The following GARRE1 variants were observed in gnomAD, a reference collection of about 807,000 sequenced individuals.
The protein encoded by GARRE1 is granule associated Rac and RHOG effector protein 1.
In GARRE1, 49 loss-of-function variants were observed where a neutral mutation model predicts 103.2. The observed-to-expected ratio is 0.47, with a 90% CI of 0.38 to 0.60. GARRE1 has a LOEUF of 0.60. Among genes scored for constraint, GARRE1 ranks in the 20% least tolerant of loss-of-function variants. GARRE1 has a pLI of 0.00. For synonymous variants in GARRE1, 505 were observed against 532.8 expected (o/e 0.95, Z 0.72); for missense variants, 1,199 against 1,370.5 (o/e 0.87, Z 1.98).
At chr19:34,341,321 G>T in intron 9 of GARRE1, 101 bp from the exon 10 acceptor site, 1 of 989,100 alleles carries the variant, frequency 1.0e-6, no homozygotes, top group East Asian at 2.6e-5. Flanking sequence ...AACCTGAGAG[G>T]TTTTTCTTGC....
At chr19:34,297,230 G>T (rs1435321547) in intron 1 of GARRE1, among the ~76,000 whole-genome samples, 3 of 152,074 alleles carry the variant, frequency 2.0e-5, no homozygotes, top group Non-Finnish European at 4.4e-5. Context: ...GGAGGTTGCA[G>T]TGAGCTGAGA....
At position 34,342,465 on chromosome 19, in the gene GARRE1, G is replaced by A. The variant is rs1377308305; in HGVS notation, c.2521+10G>A. ...CCTTTTGATCCTGCAGGTATGTGAG[G>A]CCTCCCATCCCTCGCCCAGTGTCAA... On this transcript the variant is annotated intron_variant, in intron 10 of 13. Coordinates refer to ENST00000299505, the MANE Select transcript of GARRE1 (RefSeq NM_014686.5). The A allele has an allele frequency of 6.2e-7, 1 of 1,600,880 alleles. No homozygotes were observed.
At chr19:34,258,831 A>C (rs984276880) in intron 1 of GARRE1, among the ~76,000 whole-genome samples, 1 of 151,868 alleles carries the variant, frequency 6.6e-6, no homozygotes, top group African/African-American at 2.4e-5. Flanking sequence ...TTGCGAGGAC[A>C]AGGTGAGAGG....
At chr19:34,294,178 T>C (rs2073934222) in intron 1 of GARRE1, among the ~76,000 whole-genome samples, 2 of 151,432 alleles carry the variant, frequency 1.3e-5, no homozygotes, top group South Asian at 2.1e-4. Flanking sequence ...CCAACACTTT[T>C]AGAGGCCAAG....
intron 2 of GARRE1, among the ~76,000 whole-genome samples, chr19:34,316,691 T>C (rs1404011057): frequency 1.3e-5 from 2 of 152,232 alleles, no homozygotes; most frequent in East Asian, 1.9e-4. Flanking sequence ...ATTGGTTTGA[T>C]TGGCTTTGAA....
rs1022947775 is a variant in GARRE1 at position 34,354,391 on chromosome 19, G to C, written c.*1436G>C. On this transcript the variant is annotated 3_prime_UTR_variant, in exon 14 of 14. Transcript: ENST00000299505. ...TTATATATAAAAATACCAAAAAGAG[G>C]CTGGGCGTGGTGGCTCACGCCTGTA... The C allele has an allele frequency of 7.2e-5, 11 of 152,214 alleles. No homozygotes were observed. The highest frequency in any genetic ancestry group is 3.4e-3 in the Middle Eastern group (1 of 294). The allele number at this position is 152,214 out of a possible 1,614,324, so 9.4% of individuals were successfully genotyped here. A position where few individuals can be genotyped will look rare whatever the true frequency, so the allele number is the denominator to read the frequency against.
intron 2 of GARRE1, among the ~76,000 whole-genome samples, chr19:34,307,792 TAAAAAA>T (rs148017219): frequency 1.8e-5 from 2 of 109,078 alleles, no homozygotes; most frequent in African/African-American, 6.5e-5. Flanking sequence ...ATATATACTA[TAAAAAA>T]AAAATATATA....
chr19:34,262,302 T>TTTTTTTTTTTTTTTTTC, intron 1 of GARRE1, among the ~76,000 whole-genome samples: 4 of 129,890 alleles, frequency 3.1e-5, no homozygotes, highest in African/African-American at 8.4e-5. Flanking sequence ...TTTTTTTTTT[T>TTTTTTTTTTTTTTTTTC]TTTTTTTTTT....
In GARRE1 at chr19:34,296,369, G is replaced by A. The variant is rs189244115; in HGVS notation, c.-795-3310G>A. On this transcript the variant is annotated intron_variant, in intron 1 of 13. Transcript: ENST00000299505. Reference sequence around the variant, plus strand: ...CAGTCTGGGCGCTGATTTGATCCTTGGCCTTGGCCTTTAGCCGGCACAGCC... The same window carrying A: ...CAGTCTGGGCGCTGATTTGATCCTTAGCCTTGGCCTTTAGCCGGCACAGCC... The A allele has an allele frequency of 4.5e-6, 6 of 1,335,878 alleles. No homozygotes were observed. In the East Asian group the frequency reaches 1.4e-4, roughly 31 times the overall value. 82.8% of individuals were successfully genotyped at this position (1,335,878 alleles called of 1,614,324 possible).
intron 10 of GARRE1, among the ~76,000 whole-genome samples, chr19:34,345,261 T>C (rs980377940): frequency 9.8e-5 from 15 of 152,314 alleles, no homozygotes; most frequent in Middle Eastern, 6.8e-3. Context: ...CCATTGCTCA[T>C]GTCTTCTGAA....
intron 1 of GARRE1, among the ~76,000 whole-genome samples, chr19:34,280,518 G>T (rs1365969495): frequency 6.6e-6 from 1 of 151,966 alleles, no homozygotes; most frequent in Non-Finnish European, 1.5e-5. Context: ...ATTGCTTTTT[G>T]CTTGTAATGT....
intron 1 of GARRE1, among the ~76,000 whole-genome samples, chr19:34,266,272 T>A (rs1331813516): frequency 6.6e-6 from 1 of 152,228 alleles, no homozygotes; most frequent in African/African-American, 2.4e-5. Context: ...AGCGAGTGGA[T>A]GGTGAGGAAT....
At chr19:34,312,941 TA>T (rs2074043684) in intron 2 of GARRE1, among the ~76,000 whole-genome samples, 1 of 151,970 alleles carries the variant, frequency 6.6e-6, no homozygotes, top group South Asian at 2.1e-4. Flanking sequence ...AAAATAAAAA[TA>T]AAAATAATAA....
intron 1 of GARRE1, among the ~76,000 whole-genome samples, chr19:34,290,793 A>T (rs2073913181): frequency 6.6e-6 from 1 of 150,482 alleles, no homozygotes; most frequent in East Asian, 2.0e-4. Context: ...CCAGCTACAA[A>T]GTCTATTTTG....
rs547192017 is a variant in GARRE1, at chr19:34,341,160, C to G, written c.1488-262C>G. Among the ~76,000 whole-genome samples the G allele has an allele frequency of 3.9e-5, 6 of 152,280 alleles. No homozygotes were observed. In the South Asian group the frequency reaches 1.2e-3, roughly 32 times the overall value. On this transcript the variant is annotated intron_variant, in intron 9 of 13. Coordinates refer to ENST00000299505, the MANE Select transcript of GARRE1 (RefSeq NM_014686.5). ...TCCCCACATCTAGCCATGCTTTCCC[C>G]TCCTGTGCCACCATTAGAGGATTTC... is the stretch of plus-strand genomic sequence containing the variant.
At chr19:34,261,332 A>T (rs182345191) in intron 1 of GARRE1, among the ~76,000 whole-genome samples, 2 of 152,176 alleles carry the variant, frequency 1.3e-5, no homozygotes, top group Non-Finnish European at 2.9e-5. Flanking sequence ...GGCACCTGTG[A>T]TAAGTATTCA....
intron 3 of GARRE1, among the ~76,000 whole-genome samples, chr19:34,324,399 G>A (rs2074102489): frequency 1.3e-5 from 2 of 151,982 alleles, no homozygotes; most frequent in Non-Finnish European, 2.9e-5. Context: ...AGTATTTCAG[G>A]CACATAGAAC....
intron 1 of GARRE1, among the ~76,000 whole-genome samples, chr19:34,296,866 A>G (rs776976097): frequency 1.3e-5 from 2 of 151,440 alleles, no homozygotes; most frequent in African/African-American, 4.9e-5. Context: ...CTGCTCTTAG[A>G]CTCCTGGGCT....
chr19:34,260,661 T>C (rs2073712061), intron 1 of GARRE1, among the ~76,000 whole-genome samples: 2 of 152,188 alleles, frequency 1.3e-5, no homozygotes. Flanking sequence ...AATGAAGTAT[T>C]TGTTGAAGGA....
Sources: gnomAD v4.1 joint callset for allele counts (sites outside exome capture counted in the v4.1 genomes callset) on GRCh38, gnomAD v4.1.1 for gene constraint, MANE v1.5 for transcripts, NCBI Gene and HGNC (gene_info 2026-07-23, HGNC 2026-07-21) for gene names.